Variants in BRD3 observed in about 807,000 individuals in gnomAD.
The protein encoded by BRD3 is bromodomain containing 3, also known as bromodomain-containing protein 3.
Under a neutral mutation model 66.8 loss-of-function variants are expected in BRD3, and 17 were observed. The observed-to-expected ratio is 0.25, with a 90% CI of 0.17 to 0.38. The LOEUF (loss-of-function observed/expected upper bound fraction) is 0.38, where lower values mean the gene tolerates loss of function less well. BRD3 is among the 10% of genes least tolerant of loss of function. The pLI is 1.00. For synonymous variants in BRD3, 421 were observed against 393.2 expected (o/e 1.07, Z -0.84); for missense variants, 713 against 956.1 (o/e 0.75, Z 3.35).
chr9:134,046,708 G>A (rs1035797548), intron 6 of BRD3, among the ~76,000 whole-genome samples: 10 of 152,188 alleles, frequency 6.6e-5, no homozygotes, highest in African/African-American at 1.9e-4. Context: ...CCCCTTTTCC[G>A]CAGCGTCCGG....
rs201916092 is a variant in BRD3 at position 134,041,881 on chromosome 9, G to A, written c.1286C>T (p.Ala429Val). ...AGCGCCCTTGCTCACCATGGGGGCC[G>A]CGGGGGCAGGCAGCGCCGGTGCCTC... is the stretch of plus-strand genomic sequence containing the variant. ...PVEAPALPAP[A>V]APMVSKGAES... is the part of the protein sequence containing the mutation. The change falls in exon 8 of 12, where the codon GCG becomes GTG. Residue 429 changes from alanine to valine, a missense_variant. Physicochemically the swap from Ala to Val is moderately conservative, Grantham distance 64. Coordinates refer to ENST00000303407, the MANE Select transcript of BRD3 (RefSeq NM_007371.4). The A allele has an allele frequency of 8.1e-6, 13 of 1,611,718 alleles. No homozygotes were observed. The highest frequency in any genetic ancestry group is 4.5e-5 in the East Asian group (2 of 44,830).
Position 134,064,050 on chromosome 9 carries a change from C to T in BRD3, c.-114+3895G>A, listed in dbSNP as rs1830596106. On this transcript the variant is annotated intron_variant, in intron 1 of 11. Transcript: ENST00000303407. ...TGTGAGGAGGCAGCCTGCGAACTGA[C>T]TCTCAGGGAACAGCCACAGACTGGT... Among the ~76,000 whole-genome samples the T allele has an allele frequency of 1.3e-5, 2 of 152,236 alleles. 1 individual carries two copies. Among genetic ancestry groups the T allele is most frequent in the South Asian group, 4.1e-4 (2 of 4,838 alleles).
chr9:134,049,361 G>C (rs1345663008), intron 5 of BRD3, among the ~76,000 whole-genome samples: 1 of 152,212 alleles, frequency 6.6e-6, no homozygotes, highest in South Asian at 2.1e-4. Flanking sequence ...GCCAGCGGGA[G>C]CCACGGCTCC....
chr9:134,041,568 T>C (rs1025180051), intron 8 of BRD3, among the ~76,000 whole-genome samples, 192 bp downstream of exon 8: 8 of 152,304 alleles, frequency 5.3e-5, no homozygotes, highest in Non-Finnish European at 5.9e-5. Flanking sequence ...GCCACCCACG[T>C]GTGCTGTGGG....
At chr9:134,054,102 G>A (rs1246182533) in intron 1 of BRD3, 3 of 152,802 alleles carry the variant, frequency 2.0e-5, no homozygotes, top group South Asian at 2.1e-4. Context: ...ACCCAAACAC[G>A]GTGCGGGGAG....
At chr9:134,053,234 C>T (rs1179009381) in intron 2 of BRD3, 31 bp downstream of exon 2, 10 of 1,610,744 alleles carry the variant, frequency 6.2e-6, no homozygotes, top group Non-Finnish European at 7.6e-6. Flanking sequence ...AGCAGCAGAA[C>T]GTGGCTCTTG....
Position 134,045,236 on chromosome 9 carries a change from C to G in BRD3, c.1215+57G>C, listed in dbSNP as rs927029200. 2.8e-5 allele frequency: 44 copies of G among 1,598,532 alleles called. No individual in the cohort carries two copies. The highest frequency in any genetic ancestry group is 3.7e-5 in the Non-Finnish European group (43 of 1,169,934). ...CCTGGGCGCTTACCCCACACTGAGG[C>G]CAGGATGCCCACAGCACTGAGCTGA... On this transcript the variant is annotated intron_variant, in intron 7 of 11. Transcript: ENST00000303407. The surrounding 1 kb of genome is among the most constrained non-coding windows in gnomAD (Gnocchi z 4.8).
In BRD3 at chr9:134,036,088, C is replaced by T; in HGVS notation, c.1880G>A (p.Arg627Gln). 2 of 1,614,114 alleles carry T rather than the reference C, an allele frequency of 1.2e-6. No homozygotes were observed. Among genetic ancestry groups the T allele is most frequent in the South Asian group, 1.1e-5 (1 of 91,072 alleles). The change falls in exon 10 of 12, where the codon CGG (arginine) becomes CAG (glutamine). Residue 627 changes from arginine (R) to glutamine (Q), a missense_variant. Transcript: ENST00000303407. ...DFETLKPTTL[R>Q]ELERYVKSCL... ...AGACTTGACATATCTCTCCAGTTCC[C>T]GCAAAGTGGTGGGTTTCAGAGTCTC... is the stretch of plus-strand genomic sequence containing the variant.
chr9:134,052,057 A>AT (rs1428353971), intron 3 of BRD3, among the ~76,000 whole-genome samples: 1 of 151,678 alleles, frequency 6.6e-6, no homozygotes, highest in Non-Finnish European at 1.5e-5. Context: ...CACCTGGCTA[A>AT]TTTTTTTGTA....
At chr9:134,062,095 C>T (rs1040768642) in intron 1 of BRD3, among the ~76,000 whole-genome samples, 6 of 152,166 alleles carry the variant, frequency 3.9e-5, no homozygotes, top group East Asian at 1.9e-4. Context: ...GGGGAGAAGT[C>T]GGGGGTTGGG....
chr9:134,068,269 C>A (rs1223931278), upstream of BRD3: 18 of 146,986 alleles, frequency 1.2e-4, no homozygotes, highest in African/African-American at 4.4e-4. Flanking sequence ...CCCGGCAGGG[C>A]AACAACGCTG....
intron 7 of BRD3, among the ~76,000 whole-genome samples, chr9:134,042,764 T>C (rs946486738): frequency 1.4e-5 from 2 of 141,072 alleles, no homozygotes; most frequent in Non-Finnish European, 3.0e-5. Context: ...TACACATATA[T>C]ACACACACAC....
intron 1 of BRD3, among the ~76,000 whole-genome samples, chr9:134,056,343 T>C (rs1488708577): frequency 6.6e-6 from 1 of 152,128 alleles, no homozygotes; most frequent in Non-Finnish European, 1.5e-5. Flanking sequence ...GGGTGCAGTA[T>C]AAAAAGCCCC....
In BRD3 at chr9:134,046,616, T is replaced by C. The variant is rs552275061; in HGVS notation, c.1087-1195A>G. Among the ~76,000 whole-genome samples the C allele has an allele frequency of 2.4e-4, 36 of 152,312 alleles. No homozygotes were observed. The South Asian group carries it at 7.2e-3, about 31-fold the overall frequency. On this transcript the variant is annotated intron_variant, in intron 6 of 11. Coordinates refer to ENST00000303407, the MANE Select transcript of BRD3 (RefSeq NM_007371.4). ...TGGGGGAAAAGCTAGTTTTCCGTTTTAGCATGTGCCGGGATAAACCATCCC... is the reference window on the plus strand; with the variant it reads ...TGGGGGAAAAGCTAGTTTTCCGTTTCAGCATGTGCCGGGATAAACCATCCC...
At chr9:134,042,146 C>A (rs571818599) in intron 7 of BRD3, among the ~76,000 whole-genome samples, 195 bp from the exon 8 acceptor site, 101 of 152,250 alleles carry the variant, frequency 6.6e-4, no homozygotes, top group Admixed American at 1.0e-3. Flanking sequence ...CCTCCCCAGG[C>A]AATTCCTGCG....
chr9:134,051,848 T>A, intron 3 of BRD3, 139 bp from the exon 4 acceptor site: 1 of 399,090 alleles, frequency 2.5e-6, no homozygotes, highest in Admixed American at 6.1e-5. Context: ...AATGAATATA[T>A]GTGTGTGTGT....
At chr9:134,054,000 ATG>A (rs1179106215) in intron 1 of BRD3, 2 of 167,820 alleles carry the variant, frequency 1.2e-5, no homozygotes, top group African/African-American at 4.8e-5. Context: ...GGCCACAACA[ATG>A]TACTGAAGAG....
Position 134,031,670 on chromosome 9 carries a change from A to G in BRD3, c.*1920T>C, listed in dbSNP as rs1422840667. On this transcript the variant is annotated 3_prime_UTR_variant, in exon 12 of 12. Coordinates refer to ENST00000303407, the MANE Select transcript of BRD3 (RefSeq NM_007371.4). ...ATCTCCTCATCAGAGTTCCCTCTCCAGTAAGGGTATACCTACATCTGTAAG... is the reference window on the plus strand; with the variant it reads ...ATCTCCTCATCAGAGTTCCCTCTCCGGTAAGGGTATACCTACATCTGTAAG... 1 of 214,786 alleles carries G rather than the reference A, an allele frequency of 4.7e-6. No homozygotes were observed. The highest frequency in any genetic ancestry group is 9.4e-6 in the Non-Finnish European group (1 of 106,418). 13.3% of individuals were successfully genotyped at this position (214,786 alleles called of 1,614,324 possible). A position where few individuals can be genotyped will look rare whatever the true frequency, so the allele number is the denominator to read the frequency against.
In BRD3 at chr9:134,066,430, C is replaced by A. The variant is rs191586501; in HGVS notation, c.-114+1515G>T. ...AGGGAGGGCTCCCTAACCCCCGAGG[C>A]CAGCCCCTTGCAGGGGTTCAGACCT... is the stretch of plus-strand genomic sequence containing the variant. On this transcript the variant is annotated intron_variant, in intron 1 of 11. Transcript: ENST00000303407. Among the ~76,000 whole-genome samples, 341 of 152,320 alleles carry A rather than the reference C, an allele frequency of 2.2e-3. 2 individuals are homozygous for A. The highest frequency in any genetic ancestry group is 0.01 in the Middle Eastern group (3 of 294).
Sources: gnomAD v4.1 joint callset for allele counts (sites outside exome capture counted in the v4.1 genomes callset) on GRCh38, gnomAD v4.1.1 for gene constraint, Gnocchi (gnomAD v3.1) non-coding constraint, MANE v1.5 for transcripts, NCBI Gene and HGNC (gene_info 2026-07-23, HGNC 2026-07-21) for gene names.